The following LMTK3 variants were observed in gnomAD, a reference collection of about 807,000 sequenced individuals.
The protein encoded by LMTK3 is lemur tail kinase 3, also known as serine/threonine-protein kinase LMTK3.
A neutral mutation model predicts 116.7 loss-of-function variants in LMTK3; 27 were observed. The observed-to-expected ratio is 0.23, with a 90% CI of 0.17 to 0.32. The LOEUF (loss-of-function observed/expected upper bound fraction) is 0.32. Ranked by LOEUF, LMTK3 falls within the 10% of genes least tolerant of loss-of-function variation. LMTK3 has a pLI of 1.00. For synonymous variants in LMTK3, 965 were observed against 971.0 expected, an observed-to-expected ratio of 0.99 and a Z score of 0.11; for missense variants, 1,764 against 2,068.5, an observed-to-expected ratio of 0.85 and a Z score of 2.86.
rs1481740108 is a variant in LMTK3 at position 48,500,651 on chromosome 19, G to C, written c.1151+345C>G. On this transcript the variant is annotated intron_variant, in intron 10 of 14. Coordinates refer to ENST00000600059, the MANE Select transcript of LMTK3 (RefSeq NM_001388485.1). This position sits in a 1 kb window ranked among gnomAD's most constrained non-coding sequence, Gnocchi z 4.0. ...CAGGGGTGGGGGGAAGATGCCCATA[G>C]AGAGAGGCTGACGGGACCTGGAGGC... 6.6e-6 allele frequency among the ~76,000 whole-genome samples: 1 copy of C among 152,182 alleles called. No individual in the cohort carries two copies. The highest frequency in any genetic ancestry group is 1.9e-4 in the East Asian group (1 of 5,196).
intron 7 of LMTK3, 95 bp from the exon 8 acceptor site, chr19:48,501,657 C>G: frequency 8.2e-7 from 1 of 1,224,608 alleles, no homozygotes; most frequent in Admixed American, 2.0e-5. Context: ...TCCCATGACC[C>G]TGCCCCGCCA....
At chr19:48,487,616 C>T (rs1449837736) in intron 14 of LMTK3, among the ~76,000 whole-genome samples, 1 of 152,120 alleles carries the variant, frequency 6.6e-6, no homozygotes, top group African/African-American at 2.4e-5. Context: ...AAAGAGCTCT[C>T]CCCAGGAACT....
Position 48,499,812 on chromosome 19 carries a change from G to A in LMTK3, c.1257C>T (p.Pro419=). The A allele has an allele frequency of 1.9e-6, 3 of 1,555,556 alleles. No individual in the cohort carries two copies. The highest frequency in any genetic ancestry group is 2.4e-5 in the East Asian group (1 of 41,910). Residue 419 remains proline (P), a synonymous_variant, in exon 11 of 15, where the codon CCC becomes CCT. Coordinates refer to ENST00000600059, the MANE Select transcript of LMTK3 (RefSeq NM_001388485.1). The part of the protein sequence containing the change: ...TYLLSERPPR[P]PPPPPPPRDG... ...CTCGGGGTGGGGGTGGCGGCGGTGG[G>A]GGCCGGGGAGGCCGCTCGGAGAGCA...
At chr19:48,502,679 C>T in intron 6 of LMTK3, 98 bp from the exon 7 acceptor site, 2 of 1,360,458 alleles carry the variant, frequency 1.5e-6, no homozygotes, top group Non-Finnish European at 2.0e-6. Flanking sequence ...CTGGGTAGCC[C>T]CTCTGAGCCT....
Position 48,497,746 on chromosome 19 carries a change from T to C in LMTK3, c.3323A>G (p.Asp1108Gly). Residue 1108 changes from aspartate to glycine, a missense_variant, in exon 11 of 15, where the codon GAC becomes GGC. Asp to Gly is a moderately conservative substitution (Grantham distance 94, BLOSUM62 -1). Coordinates refer to ENST00000600059, the MANE Select transcript of LMTK3 (RefSeq NM_001388485.1). This position sits in a 1 kb window ranked among gnomAD's most constrained non-coding sequence, Gnocchi z 5.7. ...TGGGGCTCGGCCCCCACTCCCGAGG[T>C]CCAGCCTCCCAGCCCCTGGGGCTCT... The part of the protein sequence containing the change: ...APRAPGAGRL[D>G]LGSGGRAPVG... The C allele has an allele frequency of 1.5e-6, 2 of 1,349,324 alleles. No individual in the cohort carries two copies. The highest frequency in any genetic ancestry group is 1.9e-6 in the Non-Finnish European group (2 of 1,056,072). The allele number at this position is 1,349,324 out of a possible 1,614,324, so 83.6% of individuals were successfully genotyped here.
chr19:48,512,011 G>C (rs1456283306), upstream of LMTK3, among the ~76,000 whole-genome samples: 16 of 143,046 alleles, frequency 1.1e-4, no homozygotes, highest in African/African-American at 4.1e-4. Context: ...GGAGGAAATG[G>C]GAGGGGGAGG....
At position 48,508,174 on chromosome 19, in the gene LMTK3, G is replaced by A. The variant is rs376065398; in HGVS notation, c.557+677C>T. Among the ~76,000 whole-genome samples, 583 of 152,238 alleles carry A rather than the reference G, an allele frequency of 3.8e-3. 5 individuals carry two copies. Among genetic ancestry groups the A allele is most frequent in the African/African-American group, 0.013 (534 of 41,524 alleles). ...GTGTCAGACTGCGCAGGGCCTGTGG[G>A]CTGTCAGGAGGACCAGATGTGTCCT... On this transcript the variant is annotated intron_variant, in intron 5 of 14. Transcript: ENST00000600059.
In LMTK3 at chr19:48,497,004, C is replaced by G. The variant is rs1972340070; in HGVS notation, c.3676+389G>C. On this transcript the variant is annotated intron_variant, in intron 11 of 14. Transcript: ENST00000600059. This position sits in a 1 kb window ranked among gnomAD's most constrained non-coding sequence, Gnocchi z 5.7. Reference sequence around the variant, plus strand: ...GCATGCTTCATCCGTTTCCCTATGTCGTCTGGCCCCTGTGGGCATGAGTTT... The same window carrying G: ...GCATGCTTCATCCGTTTCCCTATGTGGTCTGGCCCCTGTGGGCATGAGTTT... 6.6e-6 allele frequency among the ~76,000 whole-genome samples: 1 copy of G among 152,222 alleles called. No individual in the cohort carries two copies. Among genetic ancestry groups the G allele is most frequent in the Non-Finnish European group, 1.5e-5 (1 of 68,042 alleles).
chr19:48,499,593 C>G lies in LMTK3; in HGVS notation c.1476G>C (p.Gly492=), dbSNP rs1162513837. 1.6e-5 allele frequency: 24 copies of G among 1,536,804 alleles called. No homozygotes were observed. The highest frequency in any genetic ancestry group is 2.1e-5 in the Non-Finnish European group (24 of 1,142,264). The change falls in exon 11 of 15, where the codon GGG becomes GGC. Residue 492 remains glycine (G), a synonymous_variant. Coordinates refer to ENST00000600059, the MANE Select transcript of LMTK3 (RefSeq NM_001388485.1). Reference sequence around the variant, plus strand: ...ACGCCGGCTGCCAGGCAGGTGCCCCCCCACCCCGGCCGGCCCCACGCCGGG... The same window carrying G: ...ACGCCGGCTGCCAGGCAGGTGCCCCGCCACCCCGGCCGGCCCCACGCCGGG... ...EKARRGAGRG[G]GAPAWQPASA... is the part of the protein sequence containing the mutation.
At position 48,499,883 on chromosome 19, in the gene LMTK3, C is replaced by T; in HGVS notation, c.1186G>A (p.Ala396Thr). The T allele has an allele frequency of 6.3e-7, 1 of 1,597,980 alleles. No homozygotes were observed. The highest frequency in any genetic ancestry group is 1.7e-5 in the Admixed American group (1 of 57,844). Residue 396 changes from alanine to threonine, a missense_variant, in exon 11 of 15, where the codon GCC becomes ACC. Physicochemically the swap from Ala to Thr is moderately conservative, Grantham distance 58. Coordinates refer to ENST00000600059, the MANE Select transcript of LMTK3 (RefSeq NM_001388485.1). ...DILQSCWRPP[A>T]QRPSASDLQL... The stretch of plus-strand genomic sequence containing the variant: ...AGATCAGAGGCTGAAGGGCGCTGGG[C>T]AGGTGGCCGCCAGCAGGACTGAAGA...
At position 48,497,934 on chromosome 19, in the gene LMTK3, C is replaced by G; in HGVS notation, c.3135G>C (p.Glu1045Asp). 2 of 1,542,428 alleles carry G rather than the reference C, an allele frequency of 1.3e-6. No individual in the cohort carries two copies. The highest frequency in any genetic ancestry group is 1.7e-6 in the Non-Finnish European group (2 of 1,149,880). The change falls in exon 11 of 15, where the codon GAG becomes GAC. Residue 1045 changes from glutamate (E) to aspartate (D), a missense_variant. Around this residue, in one of 7 missense-constraint regions of LMTK3, gnomAD observed 1,028 missense variants for 1,050.6 expected, o/e 0.98. Coordinates refer to ENST00000600059, the MANE Select transcript of LMTK3 (RefSeq NM_001388485.1). The surrounding 1 kb of genome is among the most constrained non-coding windows in gnomAD (Gnocchi z 5.7). Reference sequence around the variant, plus strand: ...TCTCCAGAGAGGTCTCTGGGGCTGGCTCCCCGATCGTGGGGGCTGGACCCC... The same window carrying G: ...TCTCCAGAGAGGTCTCTGGGGCTGGGTCCCCGATCGTGGGGGCTGGACCCC... ...ESWGPAPTIGEPAPETSLERA... is the reference protein window; with the variant it reads ...ESWGPAPTIGDPAPETSLERA...
rs769870453 is a variant in LMTK3 at position 48,501,577 on chromosome 19, CGAG to C, written c.795-18_795-16del. ...GGGCCAGGTCGCTGCGGGAAGAACG[CGAG>C]GAGGTGAGCGCAGGGGCAGCCCTCC... On this transcript the variant is annotated splice_polypyrimidine_tract_variant and intron_variant, in intron 7 of 14. Transcript: ENST00000600059. The C allele has an allele frequency of 3.1e-6, 5 of 1,596,422 alleles. No individual in the cohort carries two copies. In the African/African-American group the frequency reaches 5.4e-5, roughly 17 times the overall value.
intron 5 of LMTK3, among the ~76,000 whole-genome samples, chr19:48,508,154 A>G (rs1390443317): frequency 1.3e-5 from 2 of 152,118 alleles, no homozygotes; most frequent in African/African-American, 4.8e-5. Context: ...GGACAGTGTC[A>G]GACTGCGCAG....
Position 48,497,749 on chromosome 19 carries a change from A to T in LMTK3, c.3320T>A (p.Leu1107Gln). 1 of 1,348,266 alleles carries T rather than the reference A, an allele frequency of 7.4e-7. No individual in the cohort carries two copies. Among genetic ancestry groups the T allele is most frequent in the Non-Finnish European group, 9.5e-7 (1 of 1,055,566 alleles). 83.5% of individuals were successfully genotyped at this position (1,348,266 alleles called of 1,614,324 possible). Residue 1107 changes from leucine to glutamine, a missense_variant, in exon 11 of 15, where the codon CTG (leucine) becomes CAG (glutamine). Transcript: ENST00000600059. This position sits in a 1 kb window ranked among gnomAD's most constrained non-coding sequence, Gnocchi z 5.7. ...GAPRAPGAGR[L>Q]DLGSGGRAPV... is the part of the protein sequence containing the mutation. The stretch of plus-strand genomic sequence containing the variant: ...GGCTCGGCCCCCACTCCCGAGGTCC[A>T]GCCTCCCAGCCCCTGGGGCTCTCGG...
rs998230409 is a variant in LMTK3 at position 48,498,771 on chromosome 19, C to T, written c.2298G>A (p.Pro766=). 8 of 779,316 alleles carry T rather than the reference C, an allele frequency of 1.0e-5. No individual in the cohort carries two copies. Among genetic ancestry groups the T allele is most frequent in the South Asian group, 5.1e-5 (2 of 39,204 alleles). 48.3% of individuals were successfully genotyped at this position (779,316 alleles called of 1,614,324 possible). A position where few individuals can be genotyped will look rare whatever the true frequency, so the allele number is the denominator to read the frequency against. Residue 766 remains proline (P), a synonymous_variant, in exon 11 of 15, where the codon CCG becomes CCA. Transcript: ENST00000600059. ...PPPPPRAPAD[P]AASPDPPSAV... ...CCGAAGGGGGGTCGGGGGACGCGGC[C>T]GGGTCCGCGGGGGCCCGAGGAGGTG... is the stretch of plus-strand genomic sequence containing the variant.
At chr19:48,486,283 C>T (rs12462778) in intron 14 of LMTK3, among the ~76,000 whole-genome samples, 25,264 of 150,356 alleles carry the variant, frequency 0.17, 4,337 homozygotes, top group African/African-American at 0.44. Flanking sequence ...ATGGTCTCGA[C>T]CTCCTGACCT....
At chr19:48,492,086 C>T (rs1972237130) in intron 12 of LMTK3, among the ~76,000 whole-genome samples, 1 of 152,050 alleles carries the variant, frequency 6.6e-6, no homozygotes, top group Admixed American at 6.6e-5. Flanking sequence ...TGTTTCCATT[C>T]CTTTCATAAT....
At chr19:48,486,906 C>T (rs911471663) in intron 14 of LMTK3, among the ~76,000 whole-genome samples, 2 of 152,136 alleles carry the variant, frequency 1.3e-5, no homozygotes, top group African/African-American at 4.8e-5. Context: ...CACTCTGTTG[C>T]CCAGGCTGGC....
chr19:48,498,491 C>A lies in LMTK3; in HGVS notation c.2578G>T (p.Glu860Ter). The A allele has an allele frequency of 6.3e-7, 1 of 1,597,478 alleles. No individual in the cohort carries two copies. Among genetic ancestry groups the A allele is most frequent in the Non-Finnish European group, 8.5e-7 (1 of 1,171,896 alleles). ...TCCCGCAGGGACATCAGCAGCTGTT[C>A]CGTGCTCACTTGAACCACGAAGGTC... ...KPTFVVQVST[E>*]QLLMSLREDV... is the part of the protein sequence containing the mutation. The change falls in exon 11 of 15, where the codon GAA becomes TAA. Residue 860 changes from glutamate to a stop codon, truncating the protein, a stop_gained. Coordinates refer to ENST00000600059, the MANE Select transcript of LMTK3 (RefSeq NM_001388485.1). LOFTEE classifies it high-confidence loss of function.
Sources: allele counts gnomAD v4.1 joint callset (sites outside exome capture counted in the v4.1 genomes callset), GRCh38; gene constraint gnomAD v4.1.1; regional missense constraint gnomAD v4.1.1; non-coding constraint Gnocchi (gnomAD v3.1); transcripts MANE v1.5; gene names NCBI Gene and HGNC (gene_info 2026-07-23, HGNC 2026-07-21).